Variants in MVB12B observed in about 807,000 individuals in gnomAD.
The protein encoded by MVB12B is multivesicular body subunit 12B, also known as ESCRT-I complex subunit MVB12B.
Under a neutral mutation model 41.6 loss-of-function variants are expected in MVB12B, and 16 were observed. The observed-to-expected ratio is 0.38, with a 90% CI of 0.26 to 0.58. The LOEUF is 0.58. Among genes scored for constraint, MVB12B ranks in the 20% least tolerant of loss-of-function variants. The pLI, the probability that MVB12B is intolerant of heterozygous loss-of-function variation, is 0.62. For synonymous variants in MVB12B, 133 were observed against 139.7 expected (o/e 0.95, Z 0.34); for missense variants, 274 against 380.2 (o/e 0.72, Z 2.32).
At chr9:126,347,470 G>C (rs924060934) in intron 2 of MVB12B, among the ~76,000 whole-genome samples, 2 of 152,198 alleles carry the variant, frequency 1.3e-5, no homozygotes, top group South Asian at 4.1e-4. Flanking sequence ...TGCCCAAAAC[G>C]TAGTAGGAAT....
intron 7 of MVB12B, among the ~76,000 whole-genome samples, chr9:126,464,490 T>G (rs1833159376): frequency 6.6e-6 from 1 of 152,054 alleles, no homozygotes; most frequent in Non-Finnish European, 1.5e-5. Flanking sequence ...CCTATAAGCT[T>G]TAGGAGACAT....
At chr9:126,426,797 G>A (rs1372990538) in intron 7 of MVB12B, 1 of 152,210 alleles carries the variant, frequency 6.6e-6, no homozygotes, top group East Asian at 1.9e-4. Context: ...TGTCCTTTAG[G>A]GGTAAGAGAG....
chr9:126,493,397 T>C (rs926668532), intron 9 of MVB12B, among the ~76,000 whole-genome samples: 1 of 152,188 alleles, frequency 6.6e-6, no homozygotes, highest in Non-Finnish European at 1.5e-5. Flanking sequence ...TCTGCTCTGT[T>C]ATTCTATTTT....
At chr9:126,487,347 G>A (rs1177421659) in intron 9 of MVB12B, among the ~76,000 whole-genome samples, 1 of 152,190 alleles carries the variant, frequency 6.6e-6, no homozygotes, top group Admixed American at 6.5e-5. Context: ...AGAGAAGGGC[G>A]TGAGTCGGCA....
intron 4 of MVB12B, among the ~76,000 whole-genome samples, chr9:126,387,284 T>C (rs368900199): frequency 6.6e-5 from 10 of 152,204 alleles, no homozygotes; most frequent in East Asian, 5.8e-4. Context: ...TGATTCGGCT[T>C]CCTTGTTTTG....
intron 1 of MVB12B, among the ~76,000 whole-genome samples, chr9:126,336,140 C>T (rs181711874): frequency 1.3e-5 from 2 of 152,364 alleles, no homozygotes; most frequent in East Asian, 1.9e-4. Context: ...CCTCGGCCCA[C>T]ACCCCGCTGC....
chr9:126,472,611 A>C (rs1833339327), intron 7 of MVB12B, among the ~76,000 whole-genome samples: 1 of 152,172 alleles, frequency 6.6e-6, no homozygotes, highest in South Asian at 2.1e-4. Context: ...GTAGTGCCTG[A>C]TTGTAAAAAG....
intron 6 of MVB12B, among the ~76,000 whole-genome samples, chr9:126,419,863 G>A (rs931056135): frequency 5.9e-5 from 9 of 152,196 alleles, no homozygotes; most frequent in African/African-American, 1.9e-4. Flanking sequence ...AATCTGTGTT[G>A]TAGCAAGTTC....
intron 7 of MVB12B, among the ~76,000 whole-genome samples, chr9:126,451,617 G>A (rs1378222644): frequency 6.6e-6 from 1 of 152,006 alleles, no homozygotes; most frequent in African/African-American, 2.4e-5. Context: ...ACCGGGACAG[G>A]GGGGCCAAAA....
chr9:126,454,332 A>G (rs1309702903), intron 7 of MVB12B, among the ~76,000 whole-genome samples: 1 of 152,162 alleles, frequency 6.6e-6, no homozygotes, highest in East Asian at 1.9e-4. Context: ...ACAACCACCA[A>G]TAGTGTGTTG....
rs138556290 is a variant in MVB12B at position 126,427,162 on chromosome 9, C to T, written c.757+5214C>T. 3.9e-5 allele frequency among the ~76,000 whole-genome samples: 6 copies of T among 152,232 alleles called. No homozygotes were observed. The East Asian group carries it at 1.2e-3, about 29-fold the overall frequency. On this transcript the variant is annotated intron_variant, in intron 7 of 9. Coordinates refer to ENST00000361171, the MANE Select transcript of MVB12B (RefSeq NM_033446.3). ...AATGCTGTAAACAATGTAACAATTGCTTTTCAATGATTATAACTCTAAGTT... is the reference window on the plus strand; with the variant it reads ...AATGCTGTAAACAATGTAACAATTGTTTTTCAATGATTATAACTCTAAGTT...
chr9:126,413,981 G>A (rs1019238450), intron 6 of MVB12B, among the ~76,000 whole-genome samples: 2 of 152,152 alleles, frequency 1.3e-5, no homozygotes, highest in African/African-American at 4.8e-5. Flanking sequence ...AGCTGCCTGG[G>A]CAGAACCATC....
chr9:126,467,246 C>G (rs1312379093), intron 7 of MVB12B, among the ~76,000 whole-genome samples: 1 of 152,106 alleles, frequency 6.6e-6, no homozygotes, highest in Non-Finnish European at 1.5e-5. Context: ...GTATCCTGTA[C>G]CTTGTGTAAT....
intron 7 of MVB12B, among the ~76,000 whole-genome samples, chr9:126,429,487 C>G (rs556935418): frequency 5.3e-5 from 8 of 152,232 alleles, no homozygotes; most frequent in African/African-American, 1.4e-4. Flanking sequence ...AACAAAAAGC[C>G]TGTGTTTAGA....
intron 6 of MVB12B, among the ~76,000 whole-genome samples, chr9:126,410,815 A>T (rs1172114714): frequency 2.6e-5 from 4 of 151,450 alleles, no homozygotes; most frequent in African/African-American, 9.7e-5. Context: ...ATGTCCCTGG[A>T]TACCTCCCAG....
intron 6 of MVB12B, among the ~76,000 whole-genome samples, chr9:126,418,517 C>G (rs1831893881): frequency 1.3e-5 from 2 of 152,214 alleles, no homozygotes; most frequent in Admixed American, 1.3e-4. Flanking sequence ...GCTACCATTC[C>G]CATCCACATT....
chr9:126,442,530 C>T (rs2119141757), intron 7 of MVB12B, among the ~76,000 whole-genome samples: 1 of 152,262 alleles, frequency 6.6e-6, no homozygotes, highest in Non-Finnish European at 1.5e-5. Context: ...CTTACAGTTT[C>T]ACTGTTTTGT....
chr9:126,377,953 T>G (rs1426993217), intron 2 of MVB12B, among the ~76,000 whole-genome samples: 1 of 152,232 alleles, frequency 6.6e-6, no homozygotes, highest in Non-Finnish European at 1.5e-5. Context: ...GCAGGCACTT[T>G]GCATGTTCGT....
intron 9 of MVB12B, among the ~76,000 whole-genome samples, chr9:126,492,935 C>G (rs891633243): frequency 6.6e-6 from 1 of 152,190 alleles, no homozygotes; most frequent in Non-Finnish European, 1.5e-5. Context: ...GTCTTCTGCT[C>G]GCTCTCTGCT....
Sources: gnomAD v4.1 joint callset for allele counts (sites outside exome capture counted in the v4.1 genomes callset) on GRCh38, gnomAD v4.1.1 for gene constraint, MANE v1.5 for transcripts, NCBI Gene and HGNC (gene_info 2026-07-23, HGNC 2026-07-21) for gene names.